The following GRAMD1B variants were observed in gnomAD, a reference collection of about 807,000 sequenced individuals.
The protein encoded by GRAMD1B is GRAM domain containing 1B, also known as protein Aster-B.
Under a neutral mutation model 99.7 loss-of-function variants are expected in GRAMD1B, and 37 were observed. That is an observed-to-expected ratio of 0.37 (90% CI 0.29 to 0.49). GRAMD1B has a LOEUF of 0.49. Among genes scored for constraint, GRAMD1B ranks in the 20% least tolerant of loss-of-function variants. The probability of loss-of-function intolerance (pLI) is 0.98; values close to 1 mark genes in which losing one functional copy is unlikely to be tolerated. For synonymous variants in GRAMD1B, 427 were observed against 387.6 expected (o/e 1.10, Z -1.19); for missense variants, 888 against 1,009.2 (o/e 0.88, Z 1.63).
At chr11:123,585,721 G>T (rs1950001125) in intron 4 of GRAMD1B, among the ~76,000 whole-genome samples, 1 of 152,142 alleles carries the variant, frequency 6.6e-6, no homozygotes, top group Admixed American at 6.5e-5. Context: ...ACTCTCCCTT[G>T]CACCTTTTTA....
intron 7 of GRAMD1B, chr11:123,598,293 T>C (rs1361499387): frequency 7.7e-7 from 1 of 1,297,578 alleles, no homozygotes; most frequent in Non-Finnish European, 1.1e-6. Context: ...GTTTGCCAAG[T>C]GGCCAAGTGG....
chr11:123,380,848 A>G (rs1012837258), intron 1 of GRAMD1B, among the ~76,000 whole-genome samples: 1 of 152,074 alleles, frequency 6.6e-6, no homozygotes, highest in Non-Finnish European at 1.5e-5. Flanking sequence ...TCATTCTGGG[A>G]CTGGAGACAG....
At chr11:123,369,033 A>G (rs1946428063) in intron 1 of GRAMD1B, among the ~76,000 whole-genome samples, 1 of 152,170 alleles carries the variant, frequency 6.6e-6, no homozygotes, top group South Asian at 2.1e-4. Flanking sequence ...AGTGACTCAT[A>G]CCTGTAATCC....
intron 1 of GRAMD1B, among the ~76,000 whole-genome samples, chr11:123,406,259 C>CT (rs766355496): frequency 0.012 from 1,482 of 123,952 alleles, 25 homozygotes; most frequent in East Asian, 0.086. Context: ...CCCATTGTTG[C>CT]TTTTTTTTTT....
chr11:123,512,979 T>C (rs961299118), intron 2 of GRAMD1B, among the ~76,000 whole-genome samples: 1 of 152,164 alleles, frequency 6.6e-6, no homozygotes, highest in Non-Finnish European at 1.5e-5. Context: ...AAGAGCCTAT[T>C]TGTATAGTCT....
chr11:123,541,487 T>C (rs1944520991), intron 2 of GRAMD1B, among the ~76,000 whole-genome samples: 1 of 152,174 alleles, frequency 6.6e-6, no homozygotes, highest in Admixed American at 6.5e-5. Context: ...TGATCATTGG[T>C]AACATGTTAT....
intron 1 of GRAMD1B, among the ~76,000 whole-genome samples, chr11:123,448,408 CG>C (rs1949735093): frequency 6.6e-6 from 1 of 152,202 alleles, no homozygotes; most frequent in Non-Finnish European, 1.5e-5. Flanking sequence ...TTGGTAGAGA[CG>C]GGGTTTCGCC....
intron 2 of GRAMD1B, among the ~76,000 whole-genome samples, chr11:123,488,077 T>C (rs904733791): frequency 6.6e-6 from 1 of 152,176 alleles, no homozygotes; most frequent in African/African-American, 2.4e-5. Context: ...TCCTGTTTTC[T>C]TCATAGACAG....
At chr11:123,442,740 A>G (rs1000840804) in intron 1 of GRAMD1B, among the ~76,000 whole-genome samples, 5 of 152,216 alleles carry the variant, frequency 3.3e-5, no homozygotes, top group Non-Finnish European at 7.3e-5. Flanking sequence ...ACTGCACTCC[A>G]GCTTGGTGAC....
chr11:123,450,274 C>A (rs1311840377), intron 1 of GRAMD1B, among the ~76,000 whole-genome samples: 3 of 152,184 alleles, frequency 2.0e-5, no homozygotes, highest in Non-Finnish European at 4.4e-5. Flanking sequence ...CATGGTAATG[C>A]AATACTTTTT....
chr11:123,599,765 G>T (rs191127404), intron 7 of GRAMD1B, among the ~76,000 whole-genome samples: 1 of 152,190 alleles, frequency 6.6e-6, no homozygotes. Flanking sequence ...AAGCCATGGC[G>T]CTCTGCCTGG....
At chr11:123,545,626 G>T (rs1223223092) in intron 2 of GRAMD1B, among the ~76,000 whole-genome samples, 1 of 152,158 alleles carries the variant, frequency 6.6e-6, no homozygotes, top group Non-Finnish European at 1.5e-5. Context: ...TCTAAAATAG[G>T]CTTATGATAG....
chr11:123,387,549 A>T (rs944907463), intron 1 of GRAMD1B, among the ~76,000 whole-genome samples: 2 of 151,998 alleles, frequency 1.3e-5, no homozygotes, highest in African/African-American at 4.8e-5. Context: ...AGGGCTTCTC[A>T]AAGGACAAAG....
chr11:123,608,316 G>A, intron 11 of GRAMD1B: 1 of 611,266 alleles, frequency 1.6e-6, no homozygotes, highest in Non-Finnish European at 2.8e-6. Flanking sequence ...TTGGGTTTAG[G>A]CAACTTCCAG....
intron 3 of GRAMD1B, among the ~76,000 whole-genome samples, chr11:123,579,345 C>A (rs1462323639): frequency 6.6e-6 from 1 of 152,222 alleles, no homozygotes; most frequent in African/African-American, 2.4e-5. Flanking sequence ...GGGTGAACAG[C>A]TGTTCCCTTT....
intron 1 of GRAMD1B, among the ~76,000 whole-genome samples, chr11:123,445,920 G>A (rs1949623659): frequency 6.6e-6 from 1 of 151,234 alleles, no homozygotes; most frequent in Non-Finnish European, 1.5e-5. Flanking sequence ...ATGTTTTCAA[G>A]ACATACTATT....
At chr11:123,436,671 G>A (rs147051738) in intron 1 of GRAMD1B, among the ~76,000 whole-genome samples, 77 of 152,310 alleles carry the variant, frequency 5.1e-4, no homozygotes, top group Non-Finnish European at 9.6e-4. Flanking sequence ...GCGTGGGGAG[G>A]TGAAGGCCTG....
intron 1 of GRAMD1B, among the ~76,000 whole-genome samples, chr11:123,448,881 G>T (rs1453071091): frequency 1.3e-5 from 2 of 152,122 alleles, no homozygotes; most frequent in Non-Finnish European, 1.5e-5. Flanking sequence ...CTCCATCACA[G>T]CCCCTCTCCT....
intron 2 of GRAMD1B, among the ~76,000 whole-genome samples, chr11:123,511,060 TG>T (rs1447270931): frequency 6.7e-6 from 1 of 148,340 alleles, no homozygotes; most frequent in Non-Finnish European, 1.5e-5. Context: ...TTTTCAGTTA[TG>T]CCTCTTTTTC....
Sources: allele counts gnomAD v4.1 joint callset (sites outside exome capture counted in the v4.1 genomes callset), GRCh38; gene constraint gnomAD v4.1.1; transcripts MANE v1.5; gene names NCBI Gene and HGNC (gene_info 2026-07-23, HGNC 2026-07-21).